PTK2B: variants seen among roughly 807,000 people sequenced by gnomAD.
PTK2B encodes the protein protein-tyrosine kinase 2-beta.
PTK2B carries 71 observed loss-of-function variants against 142.9 expected under a neutral mutation model. That is an observed-to-expected ratio of 0.50 (90% CI 0.41 to 0.61). The LOEUF is 0.61. Among genes scored for constraint, PTK2B ranks in the 20% least tolerant of loss-of-function variants. The probability of loss-of-function intolerance (pLI) is 0.00; values close to 1 mark genes in which losing one functional copy is unlikely to be tolerated. For missense variants in PTK2B, 1,105 were observed against 1,320.4 expected (o/e 0.84, Z 2.53); for synonymous variants, 519 against 503.4 (o/e 1.03, Z -0.42).
chr8:27,451,273 G>A (rs181611009), intron 26 of PTK2B, among the ~76,000 whole-genome samples, 195 bp downstream of exon 26: 153 of 152,116 alleles, frequency 1.0e-3, no homozygotes, highest in African/African-American at 3.6e-3. Context: ...TCCTGTGATC[G>A]TGCCCTTAGT....
chr8:27,455,067 G>T (rs758308689), intron 30 of PTK2B, among the ~76,000 whole-genome samples: 2 of 152,178 alleles, frequency 1.3e-5, no homozygotes, highest in Non-Finnish European at 2.9e-5. Flanking sequence ...GGTTCCTGTA[G>T]TAGGGAGAGT....
At position 27,397,718 on chromosome 8, in the gene PTK2B, T is replaced by C. The variant is rs1586234486; in HGVS notation, c.134T>C (p.Phe45Ser). ...GACGTGCGTATCCTCAAGGTCTGCT[T>C]CTATAGCAACAGCTTCAATCCTGGG... ...KEDVRILKVC[F>S]YSNSFNPGKN... Residue 45 changes from phenylalanine (F) to serine (S), a missense_variant, in exon 2 of 31, where the codon TTC becomes TCC. Physicochemically the swap from Phe to Ser is radical, Grantham distance 155 (BLOSUM62 -2). Coordinates refer to ENST00000346049, the MANE Select transcript of PTK2B (RefSeq NM_173176.3). The C allele has an allele frequency of 6.2e-7, 1 of 1,614,266 alleles. No homozygotes were observed. The highest frequency in any genetic ancestry group is 8.5e-7 in the Non-Finnish European group (1 of 1,180,048).
chr8:27,437,039 A>G lies in PTK2B; in HGVS notation c.1342-83A>G, dbSNP rs944963821. 13 of 1,335,262 alleles carry G rather than the reference A, an allele frequency of 9.7e-6. No homozygotes were observed. In the African/African-American group the frequency reaches 1.7e-4, roughly 18 times the overall value. The allele number at this position is 1,335,262 out of a possible 1,614,324, so 82.7% of individuals were successfully genotyped here. A position where few individuals can be genotyped will look rare whatever the true frequency, so the allele number is the denominator to read the frequency against. On this transcript the variant is annotated intron_variant, in intron 15 of 30. Coordinates refer to ENST00000346049, the MANE Select transcript of PTK2B (RefSeq NM_173176.3). ...GCCCTTTCCTGGCAGCAAAATCTGC[A>G]GGAGGCCATGGGGAGGCCAGGAGGG...
intron 18 of PTK2B, among the ~76,000 whole-genome samples, chr8:27,438,203 G>A (rs997299971): frequency 1.3e-5 from 2 of 152,204 alleles, no homozygotes; most frequent in East Asian, 1.9e-4. Flanking sequence ...CTCACCTCCA[G>A]CTCCCTGGCT....
At chr8:27,380,312 G>A (rs377016338) in intron 1 of PTK2B, among the ~76,000 whole-genome samples, 1 of 152,076 alleles carries the variant, frequency 6.6e-6, no homozygotes, top group African/African-American at 2.4e-5. Flanking sequence ...GAAATTTTCA[G>A]CTGGGTTTTC....
At chr8:27,311,198 C>T (rs771056447), upstream of PTK2B, 2 of 1,594,176 alleles carry the variant, frequency 1.3e-6, no homozygotes, top group Non-Finnish European at 1.7e-6. Context: ...CTTGAAGGAG[C>T]GGGAAGGCCC....
At chr8:27,414,085 T>C (rs1260986717) in intron 2 of PTK2B, among the ~76,000 whole-genome samples, 7 of 152,242 alleles carry the variant, frequency 4.6e-5, no homozygotes, top group Non-Finnish European at 1.0e-4. Context: ...AACACTTTGT[T>C]TTTATATGGC....
intron 30 of PTK2B, among the ~76,000 whole-genome samples, chr8:27,457,148 T>C (rs1444197638): frequency 6.6e-6 from 1 of 152,248 alleles, no homozygotes; most frequent in African/African-American, 2.4e-5. Flanking sequence ...AGATGCCATC[T>C]AGGACTTTCA....
rs147983841 is a variant in PTK2B, at chr8:27,328,942, C to CTTT, written c.-38+3272_-38+3274dup. Among the ~76,000 whole-genome samples the CTTT allele has an allele frequency of 7.1e-4, 103 of 145,982 alleles. 3 individuals are homozygous for CTTT. The highest frequency in any genetic ancestry group is 7.3e-3 in the Middle Eastern group (2 of 274). On this transcript the variant is annotated intron_variant, in intron 1 of 30. Transcript: ENST00000346049. ...CAAGGAAGGAGCCCTTGCGTGCAACCTTTTTTTTTTTTTGAGATGGAGTCT... is the reference window on the plus strand; with the variant it reads ...CAAGGAAGGAGCCCTTGCGTGCAACCTTTTTTTTTTTTTTTTGAGATGGAGTCT...
intron 24 of PTK2B, among the ~76,000 whole-genome samples, chr8:27,446,867 A>G (rs1811505277): frequency 6.6e-6 from 1 of 152,212 alleles, no homozygotes. Flanking sequence ...AGAATTCCAG[A>G]CACTAAGATT....
At chr8:27,394,462 T>TA (rs955318876) in intron 1 of PTK2B, among the ~76,000 whole-genome samples, 1 of 152,180 alleles carries the variant, frequency 6.6e-6, no homozygotes, top group Non-Finnish European at 1.5e-5. Flanking sequence ...GTGTAAAAGA[T>TA]AAAAAATGGT....
At position 27,326,134 on chromosome 8, in the gene PTK2B, A is replaced by C. The variant is rs191958879; in HGVS notation, c.-38+453A>C. ...CCCCAGCCCACCCTGACTCTCCTGC[A>C]GCCACTCCTTGCACCTGAGAGGTCA... On this transcript the variant is annotated intron_variant, in intron 1 of 30. Transcript: ENST00000346049. Among the ~76,000 whole-genome samples, 4 of 152,176 alleles carry C rather than the reference A, an allele frequency of 2.6e-5. No homozygotes were observed. In the East Asian group the frequency reaches 7.8e-4, roughly 30 times the overall value.
intron 1 of PTK2B, among the ~76,000 whole-genome samples, chr8:27,353,127 G>A (rs76541483): frequency 0.013 from 1,954 of 152,274 alleles, 47 homozygotes; most frequent in African/African-American, 0.044. Context: ...GATTAAAGGG[G>A]ATTAATTGCA....
Position 27,458,613 on chromosome 8 carries a change from G to A in PTK2B, c.*104G>A. 3.3e-6 allele frequency: 4 copies of A among 1,217,120 alleles called. No homozygotes were observed. The highest frequency in any genetic ancestry group is 2.5e-5 in the East Asian group (1 of 39,288). 75.4% of individuals were successfully genotyped at this position (1,217,120 alleles called of 1,614,324 possible). A position where few individuals can be genotyped will look rare whatever the true frequency, so the allele number is the denominator to read the frequency against. On this transcript the variant is annotated 3_prime_UTR_variant, in exon 31 of 31. Coordinates refer to ENST00000346049, the MANE Select transcript of PTK2B (RefSeq NM_173176.3). The stretch of plus-strand genomic sequence containing the variant: ...GGTCTTCCAGGGGGAAGGCCAAGGG[G>A]AGTCACCTTCCCTTGCCACTTTGCA...
intron 3 of PTK2B, among the ~76,000 whole-genome samples, chr8:27,320,017 G>A (rs1281515167): frequency 1.3e-5 from 2 of 152,138 alleles, no homozygotes; most frequent in African/African-American, 4.8e-5. Flanking sequence ...GGTCCCCAGA[G>A]AAACTCTAGC....
chr8:27,329,735 A>C (rs1803629423), intron 1 of PTK2B, among the ~76,000 whole-genome samples: 1 of 152,042 alleles, frequency 6.6e-6, no homozygotes, highest in African/African-American at 2.4e-5. Context: ...ACTCTGCAAC[A>C]CTGATATGCC....
In PTK2B at chr8:27,439,321, G is replaced by A. The variant is rs1405045641; in HGVS notation, c.1757G>A (p.Arg586His). Residue 586 changes from arginine to histidine, a missense_variant, in exon 20 of 31, where the codon CGT (arginine) becomes CAT (histidine). Arg to His is a conservative substitution (Grantham distance 29). Coordinates refer to ENST00000346049, the MANE Select transcript of PTK2B (RefSeq NM_173176.3). ...DEDYYKASVTRLPIKWMSPES... is the reference protein window; with the variant it reads ...DEDYYKASVTHLPIKWMSPES... Reference sequence around the variant, plus strand: ...TGCCCACCCAAAGCCTCTGTGACTCGTCTCCCCATCAAATGGATGTCCCCA... The same window carrying A: ...TGCCCACCCAAAGCCTCTGTGACTCATCTCCCCATCAAATGGATGTCCCCA... 1.1e-5 allele frequency: 18 copies of A among 1,613,648 alleles called. No individual in the cohort carries two copies. The highest frequency in any genetic ancestry group is 1.6e-4 in the Middle Eastern group (1 of 6,084).
intron 5 of PTK2B, among the ~76,000 whole-genome samples, chr8:27,428,071 C>T (rs1810193560): frequency 2.6e-5 from 4 of 152,168 alleles, no homozygotes; most frequent in Admixed American, 2.6e-4. Flanking sequence ...TGCAACTAGA[C>T]AGTCCATCTG....
chr8:27,356,549 A>T (rs1004000134), intron 1 of PTK2B, among the ~76,000 whole-genome samples: 1 of 152,234 alleles, frequency 6.6e-6, no homozygotes, highest in Admixed American at 6.5e-5. Context: ...AAGCCAGTGA[A>T]TTCATGGAAT....
Sources: gnomAD v4.1 joint callset for allele counts (sites outside exome capture counted in the v4.1 genomes callset) on GRCh38, gnomAD v4.1.1 for gene constraint, MANE v1.5 for transcripts, NCBI Gene and HGNC (gene_info 2026-07-23, HGNC 2026-07-21) for gene names.